NCAPD3: variants seen among roughly 807,000 people sequenced by gnomAD.
NCAPD3 encodes the protein non-SMC condensin II complex subunit D3.
In NCAPD3, 105 loss-of-function variants were observed where a neutral mutation model predicts 182.9. The observed-to-expected ratio is 0.57, with a 90% CI of 0.49 to 0.68. The LOEUF (loss-of-function observed/expected upper bound fraction) is 0.68, where lower values mean the gene tolerates loss of function less well. Among genes scored for constraint, NCAPD3 ranks in the 30% least tolerant of loss-of-function variants. The probability of loss-of-function intolerance (pLI) is 0.00; values close to 1 mark genes in which losing one functional copy is unlikely to be tolerated. For synonymous variants in NCAPD3, 815 were observed against 679.9 expected (o/e 1.20, Z -3.09); for missense variants, 1,944 against 1,837.0 (o/e 1.06, Z -1.07).
intron 31 of NCAPD3, among the ~76,000 whole-genome samples, chr11:134,157,695 G>C (rs1378257548): frequency 6.6e-6 from 1 of 152,198 alleles, no homozygotes; most frequent in Non-Finnish European, 1.5e-5. Flanking sequence ...GAACAGAATA[G>C]CTGGAGGAAG....
Position 134,192,600 on chromosome 11 carries a change from G to T in NCAPD3, c.2045+89C>A, listed in dbSNP as rs1944545895. 7.7e-6 allele frequency: 9 copies of T among 1,165,646 alleles called. No individual in the cohort carries two copies. The East Asian group carries it at 1.9e-4, about 24-fold the overall frequency. 72.2% of individuals were successfully genotyped at this position (1,165,646 alleles called of 1,614,324 possible). On this transcript the variant is annotated intron_variant, in intron 16 of 34. Transcript: ENST00000534548. Reference sequence around the variant, plus strand: ...CATACACTAAGTAATCTGGAAAGCTGATTTTTCGAGGACCAATAGGAGAAA... The same window carrying T: ...CATACACTAAGTAATCTGGAAAGCTTATTTTTCGAGGACCAATAGGAGAAA...
intron 13 of NCAPD3, among the ~76,000 whole-genome samples, chr11:134,197,787 C>A (rs948825511): frequency 6.6e-6 from 1 of 152,178 alleles, no homozygotes; most frequent in Non-Finnish European, 1.5e-5. Context: ...GAAAACCACA[C>A]AATCATCTCA....
At chr11:134,220,481 C>T (rs1938184923) in intron 2 of NCAPD3, 91 bp downstream of exon 2, 3 of 1,288,386 alleles carry the variant, frequency 2.3e-6, no homozygotes, top group South Asian at 1.4e-5. Context: ...GTGAACTGTA[C>T]ACCAAGAAAG....
chr11:134,178,611 C>G (rs554457548), intron 22 of NCAPD3, 23 bp downstream of exon 22: 1 of 1,487,192 alleles, frequency 6.7e-7, no homozygotes, highest in Admixed American at 2.0e-5. Context: ...ATGTCAAGCC[C>G]CATTCTCCCA....
chr11:134,152,972 C>A lies in NCAPD3; in HGVS notation c.4469G>T (p.Arg1490Leu). Reference protein sequence around the residue: ...DTPACSRRSLRKTPLKTAN With the variant: ...DTPACSRRSLLKTPLKTAN ...GTTGGCTGTTTTCAGAGGGGTCTTT[C>A]GGAGGGACCTCCTGCTGCAGGCTGG... Residue 1490 changes from arginine to leucine, a missense_variant, in exon 35 of 35, where the codon CGA (arginine) becomes CTA (leucine). This residue lies in a region of NCAPD3 where 1,803 missense variants were observed against 1,674.6 expected (regional missense o/e 1.08). Transcript: ENST00000534548. The A allele has an allele frequency of 6.4e-7, 1 of 1,570,440 alleles. No homozygotes were observed. The highest frequency in any genetic ancestry group is 1.8e-5 in the Admixed American group (1 of 54,618).
At chr11:134,174,163 G>T (rs1020545568) in intron 24 of NCAPD3, among the ~76,000 whole-genome samples, 1 of 151,916 alleles carries the variant, frequency 6.6e-6, no homozygotes, top group African/African-American at 2.4e-5. Flanking sequence ...GGCCGAGGTG[G>T]GTAGATTGCC....
In NCAPD3 at chr11:134,165,500, G is replaced by A. The variant is rs1483525133; in HGVS notation, c.3573+2496C>T. 2.7e-5 allele frequency among the ~76,000 whole-genome samples: 4 copies of A among 145,664 alleles called. No individual in the cohort carries two copies. In the East Asian group the frequency reaches 6.4e-4, roughly 23 times the overall value. On this transcript the variant is annotated intron_variant, in intron 27 of 34. Transcript: ENST00000534548. ...TGGGGGAGTGGCACACTTGTGAGAT[G>A]AGCTTACGGGAGCAGCACACTCACT...
chr11:134,203,195 G>A lies in NCAPD3; in HGVS notation c.1472C>T (p.Pro491Leu). The change falls in exon 12 of 35, where the codon CCT becomes CTT. Residue 491 changes from proline to leucine, a missense_variant. Coordinates refer to ENST00000534548, the MANE Select transcript of NCAPD3 (RefSeq NM_015261.3). Reference protein sequence around the residue: ...ESILELLINSPTFSVIESHPG... With the variant: ...ESILELLINSLTFSVIESHPG... Reference sequence around the variant, plus strand: ...GTGACTCTCTATTACAGAAAACGTAGGACCTAAAAACAAGAAGAAAGATAA... The same window carrying A: ...GTGACTCTCTATTACAGAAAACGTAAGACCTAAAAACAAGAAGAAAGATAA... 2.5e-6 allele frequency: 4 copies of A among 1,594,364 alleles called. No individual in the cohort carries two copies. Among genetic ancestry groups the A allele is most frequent in the Non-Finnish European group, 3.4e-6 (4 of 1,162,514 alleles).
chr11:134,190,364 ATTG>A (rs770422742), intron 16 of NCAPD3, among the ~76,000 whole-genome samples: 20 of 152,094 alleles, frequency 1.3e-4, no homozygotes, highest in African/African-American at 3.6e-4. Flanking sequence ...TCCTCATATC[ATTG>A]TTGTTACTGA....
At chr11:134,167,610 G>T in intron 27 of NCAPD3, among the ~76,000 whole-genome samples, 1 of 127,046 alleles carries the variant, frequency 7.9e-6, no homozygotes, top group African/African-American at 3.1e-5. Flanking sequence ...TCACTAGTGA[G>T]ATGAGCTTGG....
chr11:134,151,726 C>CA lies in NCAPD3; in HGVS notation c.*1217dup, dbSNP rs1311564510. ...CCGTAATTTGGCATTTGTTTAACCT[C>CA]ATTTATAAAAGCTTCAAAAAAACCC... On this transcript the variant is annotated 3_prime_UTR_variant, in exon 35 of 35. Coordinates refer to ENST00000534548, the MANE Select transcript of NCAPD3 (RefSeq NM_015261.3). The CA allele has an allele frequency of 6.6e-6, 1 of 152,192 alleles. No individual in the cohort carries two copies. Among genetic ancestry groups the CA allele is most frequent in the Non-Finnish European group, 1.5e-5 (1 of 68,038 alleles). 9.4% of individuals were successfully genotyped at this position (152,192 alleles called of 1,614,324 possible). A position where few individuals can be genotyped will look rare whatever the true frequency, so the allele number is the denominator to read the frequency against.
At chr11:134,157,150 C>T in intron 31 of NCAPD3, 55 bp from the exon 32 acceptor site, 6 of 1,375,886 alleles carry the variant, frequency 4.4e-6, no homozygotes, top group Non-Finnish European at 4.1e-6. Context: ...TAACGAAGAG[C>T]AAAACAACCA....
chr11:134,225,209 G>T, upstream of NCAPD3: 1 of 1,614,168 alleles, frequency 6.2e-7, no homozygotes, highest in Non-Finnish European at 8.5e-7. Flanking sequence ...AGCACAAGAC[G>T]GAGGACGGGA....
At position 134,203,168 on chromosome 11, in the gene NCAPD3, G is replaced by A; in HGVS notation, c.1499C>T (p.Pro500Leu). ...TGATGAATTTCTCAGTAAGGTACCAGGGTGACTCTCTATTACAGAAAACGT... is the reference window on the plus strand; with the variant it reads ...TGATGAATTTCTCAGTAAGGTACCAAGGTGACTCTCTATTACAGAAAACGT... Reference protein sequence around the residue: ...SPTFSVIESHPGTLLRNSSAF... With the variant: ...SPTFSVIESHLGTLLRNSSAF... The change falls in exon 12 of 35, where the codon CCT becomes CTT. Residue 500 changes from proline (P) to leucine (L), a missense_variant. By Grantham distance (98) the Pro-to-Leu change is moderately conservative. Coordinates refer to ENST00000534548, the MANE Select transcript of NCAPD3 (RefSeq NM_015261.3). The A allele has an allele frequency of 6.3e-7, 1 of 1,597,398 alleles. No homozygotes were observed. Among genetic ancestry groups the A allele is most frequent in the Non-Finnish European group, 8.6e-7 (1 of 1,165,010 alleles).
intron 13 of NCAPD3, among the ~76,000 whole-genome samples, chr11:134,197,469 G>A (rs1002293714): frequency 6.6e-6 from 1 of 151,942 alleles, no homozygotes; most frequent in African/African-American, 2.4e-5. Flanking sequence ...TAGAGATGGG[G>A]TTTCACCATG....
chr11:134,158,304 G>C, intron 30 of NCAPD3, 25 bp downstream of exon 30: 1 of 1,613,166 alleles, frequency 6.2e-7, no homozygotes, highest in Non-Finnish European at 8.5e-7. Context: ...AACCAGCCCT[G>C]ATGTGGCCTC....
rs948962697 is a variant in NCAPD3, at chr11:134,203,551, T to C, written c.1468+103A>G. 11 of 1,434,194 alleles carry C rather than the reference T, an allele frequency of 7.7e-6. No individual in the cohort carries two copies. In the African/African-American group the frequency reaches 8.5e-5, roughly 11 times the overall value. The allele number at this position is 1,434,194 out of a possible 1,614,324, so 88.8% of individuals were successfully genotyped here. A position where few individuals can be genotyped will look rare whatever the true frequency, so the allele number is the denominator to read the frequency against. ...TGGTTTTGAGAGTAAAAATAGATCA[T>C]GCCATACCTATTACTTTTGCCACAG... On this transcript the variant is annotated intron_variant, in intron 11 of 34. Coordinates refer to ENST00000534548, the MANE Select transcript of NCAPD3 (RefSeq NM_015261.3).
In NCAPD3 at chr11:134,209,448, ATCT is replaced by A; in HGVS notation, c.594_596del (p.Glu198del). ...CCCGGGCAGAAAAACAAATATTCTC[ATCT>A]TCTTGTTCTTCTATAATTTCATCCA... On this transcript the variant is annotated inframe_deletion, in exon 5 of 35. Coordinates refer to ENST00000534548, the MANE Select transcript of NCAPD3 (RefSeq NM_015261.3). The A allele has an allele frequency of 6.2e-7, 1 of 1,612,138 alleles. No homozygotes were observed. Among genetic ancestry groups the A allele is most frequent in the Non-Finnish European group, 8.5e-7 (1 of 1,179,232 alleles).
In NCAPD3 at chr11:134,158,601, C is replaced by T. The variant is rs552242639; in HGVS notation, c.3868-106G>A. 204 of 1,202,748 alleles carry T rather than the reference C, an allele frequency of 1.7e-4. 1 individual carries two copies. The South Asian group carries it at 2.8e-3, about 17-fold the overall frequency. 74.5% of individuals were successfully genotyped at this position (1,202,748 alleles called of 1,614,324 possible). ...TGGGGGTCCATATGAGATTTTGATA[C>T]ATGTGGACAACGTAATGATCAAATC... On this transcript the variant is annotated intron_variant, in intron 29 of 34. Transcript: ENST00000534548.
Sources: allele counts gnomAD v4.1 joint callset (sites outside exome capture counted in the v4.1 genomes callset), GRCh38; gene constraint gnomAD v4.1.1; regional missense constraint gnomAD v4.1.1; transcripts MANE v1.5; gene names NCBI Gene and HGNC (gene_info 2026-07-23, HGNC 2026-07-21).